Variants in CSMD2 observed in about 807,000 individuals in gnomAD.
The protein encoded by CSMD2 is CUB and sushi domain-containing protein 2.
Under a neutral mutation model 398.5 loss-of-function variants are expected in CSMD2, and 130 were observed. The observed-to-expected ratio is 0.33, with a 90% CI of 0.28 to 0.38. The LOEUF (loss-of-function observed/expected upper bound fraction) is 0.38, where lower values mean the gene tolerates loss of function less well. CSMD2 is among the 10% of genes least tolerant of loss of function. The pLI is 1.00. For missense variants in CSMD2, 3,829 were observed against 4,764.9 expected (o/e 0.80, Z 5.78); for synonymous variants, 1,828 against 1,908.5 (o/e 0.96, Z 1.10).
intron 5 of CSMD2, among the ~76,000 whole-genome samples, chr1:33,901,357 T>C (rs1025222414): frequency 6.6e-6 from 1 of 152,236 alleles, no homozygotes; most frequent in African/African-American, 2.4e-5. Context: ...GCTATATTTA[T>C]TCAACAAATT....
chr1:33,977,402 T>C (rs1466761116), intron 3 of CSMD2, among the ~76,000 whole-genome samples: 1 of 151,962 alleles, frequency 6.6e-6, no homozygotes, highest in African/African-American at 2.4e-5. Context: ...CAGGACCCTG[T>C]GGGAGCAGGA....
chr1:33,800,131 A>C (rs1290917132), intron 10 of CSMD2, among the ~76,000 whole-genome samples: 2 of 152,174 alleles, frequency 1.3e-5, no homozygotes, highest in African/African-American at 4.8e-5. Context: ...CTGAGGGCTG[A>C]CCTTGGCCCA....
intron 6 of CSMD2, among the ~76,000 whole-genome samples, chr1:33,842,268 A>G (rs1254694247): frequency 2.0e-5 from 3 of 152,018 alleles, no homozygotes; most frequent in East Asian, 1.9e-4. Context: ...CTTCCTTTTC[A>G]TCTTCACTCC....
chr1:33,635,147 A>G lies in CSMD2; in HGVS notation c.5086+67T>C, dbSNP rs898432427. On this transcript the variant is annotated intron_variant, in intron 31 of 70. Transcript: ENST00000373381. The surrounding 1 kb of genome is among the most constrained non-coding windows in gnomAD (Gnocchi z 5.0). ...TATATAATTGGGAGGCGTCTGAGGA[A>G]TTGCTCATTTTGGAATGAGGGTGAG... 8.4e-6 allele frequency: 8 copies of G among 949,396 alleles called. No homozygotes were observed. Among genetic ancestry groups the G allele is most frequent in the Non-Finnish European group, 1.2e-5 (7 of 596,672 alleles). The allele number at this position is 949,396 out of a possible 1,614,324, so 58.8% of individuals were successfully genotyped here. A position where few individuals can be genotyped will look rare whatever the true frequency, so the allele number is the denominator to read the frequency against.
intron 6 of CSMD2, among the ~76,000 whole-genome samples, chr1:33,843,683 A>C (rs890896963): frequency 6.6e-6 from 1 of 152,182 alleles, no homozygotes; most frequent in Non-Finnish European, 1.5e-5. Context: ...GGCAGGGAGC[A>C]GGACAGAGCA....
chr1:33,634,902 C>G (rs1292558592), intron 31 of CSMD2, among the ~76,000 whole-genome samples: 1 of 152,124 alleles, frequency 6.6e-6, no homozygotes, highest in Non-Finnish European at 1.5e-5. Flanking sequence ...TGCGGCACCT[C>G]CCTTAGGACT....
intron 19 of CSMD2, 41 bp from the exon 20 acceptor site, chr1:33,716,542 G>GTTT: frequency 6.8e-7 from 1 of 1,467,288 alleles, no homozygotes; most frequent in Non-Finnish European, 9.4e-7. Context: ...ATGGCGAGAT[G>GTTT]GCTGGAGAAC....
intron 21 of CSMD2, among the ~76,000 whole-genome samples, chr1:33,713,658 C>T (rs541543167): frequency 2.6e-4 from 40 of 152,234 alleles, no homozygotes; most frequent in Non-Finnish European, 4.9e-4. Context: ...TTCCAACTTC[C>T]AACAGCTGCC....
intron 44 of CSMD2, chr1:33,599,026 GC>G (rs1640028886): frequency 6.6e-6 from 1 of 152,156 alleles, no homozygotes; most frequent in East Asian, 1.9e-4. Flanking sequence ...ATTCATGAGG[GC>G]TCTGTTGTCT....
intron 1 of CSMD2, among the ~76,000 whole-genome samples, chr1:34,115,834 T>C (rs1371726789): frequency 6.6e-6 from 1 of 151,892 alleles, no homozygotes; most frequent in Non-Finnish European, 1.5e-5. Context: ...AAAGAAGGTG[T>C]AATAGCGTGA....
Position 33,724,179 on chromosome 1 carries a change from A to G in CSMD2, c.3001+18T>C. On this transcript the variant is annotated intron_variant, in intron 19 of 70. Transcript: ENST00000373381. ...ACCTCGTCACATCCCAATGCCTGCT[A>G]TGGGCTGAAACACTCACCCTTGCCA... The G allele has an allele frequency of 3.2e-6, 5 of 1,568,326 alleles. No homozygotes were observed. The highest frequency in any genetic ancestry group is 4.4e-6 in the Non-Finnish European group (5 of 1,138,338).
chr1:33,545,055 A>T (rs1189496628), intron 57 of CSMD2, among the ~76,000 whole-genome samples: 1 of 152,066 alleles, frequency 6.6e-6, no homozygotes, highest in Non-Finnish European at 1.5e-5. Context: ...CCCCACCTTA[A>T]GTGAGCGCTC....
At chr1:33,727,020 G>A (rs2149210364) in intron 15 of CSMD2, among the ~76,000 whole-genome samples, 1 of 152,236 alleles carries the variant, frequency 6.6e-6, no homozygotes, top group South Asian at 2.1e-4. Context: ...CTGAGGCAGG[G>A]GCATAGACCC....
intron 15 of CSMD2, among the ~76,000 whole-genome samples, chr1:33,733,954 G>C (rs1646801258): frequency 6.6e-6 from 1 of 152,164 alleles, no homozygotes; most frequent in African/African-American, 2.4e-5. Context: ...TTACCAGCTG[G>C]GTGATTTTGG....
intron 6 of CSMD2, among the ~76,000 whole-genome samples, chr1:33,828,255 T>C (rs960098483): frequency 1.3e-5 from 2 of 152,158 alleles, no homozygotes; most frequent in African/African-American, 2.4e-5. Flanking sequence ...TAGGGAAACA[T>C]ACATTATTCA....
intron 44 of CSMD2, among the ~76,000 whole-genome samples, chr1:33,596,379 G>A (rs1639838111): frequency 6.6e-6 from 1 of 152,126 alleles, no homozygotes; most frequent in African/African-American, 2.4e-5. Flanking sequence ...CAGCCCATCA[G>A]TGTGGCTCCC....
chr1:33,635,372 C>T lies in CSMD2; in HGVS notation c.4970-42G>A, dbSNP rs904967510. ...ATAGAGAGTCAGGTGACCTTGTGGG[C>T]CTCTTACCAGTGACCATCCTCTGTT... On this transcript the variant is annotated intron_variant, in intron 30 of 70. Coordinates refer to ENST00000373381, the MANE Select transcript of CSMD2 (RefSeq NM_001281956.2). This position sits in a 1 kb window ranked among gnomAD's most constrained non-coding sequence, Gnocchi z 5.0. 8.1e-7 allele frequency: 1 copy of T among 1,241,790 alleles called. No homozygotes were observed. The highest frequency in any genetic ancestry group is 1.2e-6 in the Non-Finnish European group (1 of 848,642). The allele number at this position is 1,241,790 out of a possible 1,614,324, so 76.9% of individuals were successfully genotyped here. A position where few individuals can be genotyped will look rare whatever the true frequency, so the allele number is the denominator to read the frequency against.
intron 3 of CSMD2, among the ~76,000 whole-genome samples, chr1:34,030,906 T>C (rs754727918): frequency 7.2e-5 from 11 of 152,142 alleles, no homozygotes; most frequent in Non-Finnish European, 1.3e-4. Context: ...GTGCAGTCAA[T>C]GTCCCCAAGG....
chr1:33,815,470 C>A (rs1657349629), intron 9 of CSMD2: 2 of 152,140 alleles, frequency 1.3e-5, no homozygotes, highest in Admixed American at 1.3e-4. Flanking sequence ...AAAATCATAT[C>A]AAAATTAAAA....
Sources: gnomAD v4.1 joint callset for allele counts (sites outside exome capture counted in the v4.1 genomes callset) on GRCh38, gnomAD v4.1.1 for gene constraint, Gnocchi (gnomAD v3.1) non-coding constraint, MANE v1.5 for transcripts, NCBI Gene and HGNC (gene_info 2026-07-23, HGNC 2026-07-21) for gene names.